KBTBD3: variants seen among roughly 807,000 people sequenced by gnomAD.
The protein encoded by KBTBD3 is kelch repeat and BTB domain containing 3.
A neutral mutation model predicts 49.6 loss-of-function variants in KBTBD3; 38 were observed. The ratio of observed to expected loss-of-function variants is 0.77; its 90% CI spans 0.59 to 1.00. The LOEUF is 1.00. KBTBD3 is among the 50% of genes least tolerant of loss of function. KBTBD3 has a pLI of 0.00. For missense variants in KBTBD3, 661 were observed against 712.0 expected (o/e 0.93, Z 0.81); for synonymous variants, 214 against 250.4 (o/e 0.85, Z 1.37).
At chr11:106,063,649 T>C (rs1263294843) in intron 2 of KBTBD3, among the ~76,000 whole-genome samples, 1 of 152,204 alleles carries the variant, frequency 6.6e-6, no homozygotes, top group African/African-American at 2.4e-5. Flanking sequence ...AAATACATAA[T>C]TGGCCGGGTG....
chr11:106,062,259 A>T (rs1386569250), intron 2 of KBTBD3, among the ~76,000 whole-genome samples: 1 of 152,146 alleles, frequency 6.6e-6, no homozygotes, highest in Non-Finnish European at 1.5e-5. Flanking sequence ...GAGGAAAAGG[A>T]ACTAGAGAAA....
At chr11:106,061,090 CTCTT>C (rs1860684075) in intron 2 of KBTBD3, among the ~76,000 whole-genome samples, 1 of 152,168 alleles carries the variant, frequency 6.6e-6, no homozygotes. Flanking sequence ...TTAGGGTTTT[CTCTT>C]TCTTAATGCA....
At chr11:106,071,439 A>C (rs1283433641) in intron 2 of KBTBD3, among the ~76,000 whole-genome samples, 1 of 152,148 alleles carries the variant, frequency 6.6e-6, no homozygotes, top group Non-Finnish European at 1.5e-5. Flanking sequence ...ATGGTTCATG[A>C]ATAAGTGGAC....
At position 106,052,288 on chromosome 11, in the gene KBTBD3, GC is replaced by G. The variant is rs1241698805; in HGVS notation, c.*561del. 6.6e-6 allele frequency: 1 copy of G among 151,780 alleles called. No homozygotes were observed. The highest frequency in any genetic ancestry group is 2.4e-5 in the African/African-American group (1 of 41,326). 9.4% of individuals were successfully genotyped at this position (151,780 alleles called of 1,614,324 possible). A position where few individuals can be genotyped will look rare whatever the true frequency, so the allele number is the denominator to read the frequency against. On this transcript the variant is annotated 3_prime_UTR_variant, in exon 4 of 4. Coordinates refer to ENST00000531837, the MANE Select transcript of KBTBD3 (RefSeq NM_198439.3). ...ATGGCATTATAACATGGTACATTAT[GC>G]TTTTAATGAAAAAATGAGTCATTAA...
chr11:106,054,598 G>C (rs1293237408), intron 3 of KBTBD3, 143 bp from the exon 4 acceptor site: 1 of 409,258 alleles, frequency 2.4e-6, no homozygotes, highest in East Asian at 4.1e-5. Flanking sequence ...TTAATATCTA[G>C]AATAATTATA....
chr11:106,075,539 C>T (rs773121961), intron 2 of KBTBD3: 9 of 152,120 alleles, frequency 5.9e-5, no homozygotes, highest in Non-Finnish European at 1.3e-4. Flanking sequence ...AGAATAACTG[C>T]CAAATGAATT....
At position 106,054,472 on chromosome 11, in the gene KBTBD3, CA is replaced by C. The variant is rs1860513881; in HGVS notation, c.234-18del. 6.8e-7 allele frequency: 1 copy of C among 1,473,134 alleles called. No homozygotes were observed. The highest frequency in any genetic ancestry group is 1.4e-5 in the African/African-American group (1 of 70,772). The allele number at this position is 1,473,134 out of a possible 1,614,324, so 91.3% of individuals were successfully genotyped here. ...AACATAGCCCTGCAAAAATAAAGAA[CA>C]CAGAAAAACAGCAAGAATATTTTAT... On this transcript the variant is annotated intron_variant, in intron 3 of 3. Transcript: ENST00000531837.
intron 2 of KBTBD3, among the ~76,000 whole-genome samples, chr11:106,069,359 GA>G (rs1860874072): frequency 6.6e-6 from 1 of 151,786 alleles, no homozygotes; most frequent in South Asian, 2.1e-4. Context: ...GAATCTACCA[GA>G]AAAAAACCTC....
chr11:106,071,937 A>G (rs1860925298), intron 2 of KBTBD3, among the ~76,000 whole-genome samples: 1 of 152,176 alleles, frequency 6.6e-6, no homozygotes, highest in Non-Finnish European at 1.5e-5. Context: ...ACAATTCTCA[A>G]TTCTTGGCAA....
At chr11:106,065,679 G>T (rs901001048) in intron 2 of KBTBD3, among the ~76,000 whole-genome samples, 2 of 152,080 alleles carry the variant, frequency 1.3e-5, no homozygotes, top group African/African-American at 4.8e-5. Flanking sequence ...AGTTCATCAA[G>T]GCTGGGCGCG....
intron 3 of KBTBD3, among the ~76,000 whole-genome samples, chr11:106,055,332 C>T (rs538763556): frequency 4.6e-5 from 7 of 152,128 alleles, no homozygotes; most frequent in South Asian, 4.2e-4. Context: ...GTATTTGTGC[C>T]AGTATTGTCC....
intron 2 of KBTBD3, among the ~76,000 whole-genome samples, chr11:106,071,998 T>C (rs1180297892): frequency 6.6e-6 from 1 of 152,232 alleles, no homozygotes; most frequent in Non-Finnish European, 1.5e-5. Flanking sequence ...AATTCAATTA[T>C]GCTATTTCAT....
At chr11:106,054,736 T>C (rs1860518386) in intron 3 of KBTBD3, among the ~76,000 whole-genome samples, 1 of 152,006 alleles carries the variant, frequency 6.6e-6, no homozygotes, top group Non-Finnish European at 1.5e-5. Context: ...TATACTTGTT[T>C]ATTATTAATA....
chr11:106,054,097 G>A lies in KBTBD3; in HGVS notation c.592C>T (p.Leu198=), dbSNP rs1377878591. 11 of 1,613,242 alleles carry A rather than the reference G, an allele frequency of 6.8e-6. No individual in the cohort carries two copies. Among genetic ancestry groups the A allele is most frequent in the Non-Finnish European group, 7.6e-6 (9 of 1,179,744 alleles). The change falls in exon 4 of 4, where the codon CTA becomes TTA. Residue 198 remains leucine, a synonymous_variant. Transcript: ENST00000531837. ...TCATCTGATTCCAGACATTTCTGTA[G>A]TACTCCAAAATTCATCTCTAAGAAA... ...SDFLEMNFGV[L]QKCLESDELN... is the part of the protein sequence containing the mutation.
At chr11:106,074,830 A>G (rs745417157) in intron 2 of KBTBD3, among the ~76,000 whole-genome samples, 2 of 152,146 alleles carry the variant, frequency 1.3e-5, no homozygotes, top group Non-Finnish European at 2.9e-5. Flanking sequence ...GATGGATTGG[A>G]TATAGGGAGT....
At chr11:106,065,868 G>A (rs879673053) in intron 2 of KBTBD3, among the ~76,000 whole-genome samples, 7 of 151,196 alleles carry the variant, frequency 4.6e-5, no homozygotes, top group Non-Finnish European at 7.4e-5. Context: ...GGCTCAGGCA[G>A]GAGAATCGCT....
chr11:106,075,014 A>T (rs1017631029), intron 2 of KBTBD3, among the ~76,000 whole-genome samples: 1 of 152,216 alleles, frequency 6.6e-6, no homozygotes, highest in South Asian at 2.1e-4. Flanking sequence ...ATCTCATCCG[A>T]TGCCTTTCCA....
intron 2 of KBTBD3, among the ~76,000 whole-genome samples, chr11:106,065,337 A>G (rs551451568): frequency 4.5e-4 from 69 of 152,274 alleles, no homozygotes; most frequent in Middle Eastern, 3.4e-3. Context: ...CGATATGTAC[A>G]CATGTTATCT....
At chr11:106,057,149 A>G (rs1860569427) in intron 3 of KBTBD3, among the ~76,000 whole-genome samples, 1 of 152,192 alleles carries the variant, frequency 6.6e-6, no homozygotes, top group Non-Finnish European at 1.5e-5. Context: ...ACAGGTGTTT[A>G]GCAGGAAGTA....
Sources: gnomAD v4.1 joint callset for allele counts (sites outside exome capture counted in the v4.1 genomes callset) on GRCh38, gnomAD v4.1.1 for gene constraint, MANE v1.5 for transcripts, NCBI Gene and HGNC (gene_info 2026-07-23, HGNC 2026-07-21) for gene names.